Variants in GIGYF2 observed in about 807,000 individuals in gnomAD.
GIGYF2 encodes GRB10-interacting GYF protein 2.
GIGYF2 carries 25 observed loss-of-function variants against 208.1 expected under a neutral mutation model. The ratio of observed to expected loss-of-function variants is 0.12; its 90% confidence interval spans 0.09 to 0.17. The LOEUF (loss-of-function observed/expected upper bound fraction) is 0.17, where lower values mean the gene tolerates loss of function less well. GIGYF2 is among the 10% of genes least tolerant of loss of function. GIGYF2 has a pLI of 1.00. For missense variants in GIGYF2, 1,302 were observed against 1,579.4 expected (o/e 0.82, Z 2.98); for synonymous variants, 534 against 543.8 (o/e 0.98, Z 0.25).
At chr2:232,844,632 G>A in intron 25 of GIGYF2, 58 bp downstream of exon 25, 1 of 1,156,724 alleles carries the variant, frequency 8.6e-7, no homozygotes, top group Non-Finnish European at 1.3e-6. Flanking sequence ...TGGGGATGGA[G>A]GAAGTGGGAT....
chr2:232,723,930 G>A (rs544193408), intron 2 of GIGYF2, among the ~76,000 whole-genome samples: 91 of 150,654 alleles, frequency 6.0e-4, no homozygotes, highest in African/African-American at 1.8e-3. Flanking sequence ...TAGAGACGGG[G>A]TTTCTCCATG....
At chr2:232,852,038 T>C (rs920220081) in intron 28 of GIGYF2, among the ~76,000 whole-genome samples, 19 of 152,082 alleles carry the variant, frequency 1.2e-4, no homozygotes, top group African/African-American at 4.3e-4. Context: ...TGATAAGCAG[T>C]GGAACATGGC....
rs1422945823 is a variant in GIGYF2 at position 232,846,413 on chromosome 2, G to A, written c.3460+527G>A. On this transcript the variant is annotated intron_variant, in intron 26 of 28. Coordinates refer to ENST00000373563, the MANE Select transcript of GIGYF2 (RefSeq NM_001103146.3). Reference sequence around the variant, plus strand: ...GAGAAAAACTTGCTCATGGTTAGCTGTTTACAAACAGAACTGTCTCCCATC... The same window carrying A: ...GAGAAAAACTTGCTCATGGTTAGCTATTTACAAACAGAACTGTCTCCCATC... 3.3e-5 allele frequency among the ~76,000 whole-genome samples: 5 copies of A among 152,126 alleles called. No homozygotes were observed. In the East Asian group the frequency reaches 9.6e-4, roughly 29 times the overall value.
intron 22 of GIGYF2, among the ~76,000 whole-genome samples, chr2:232,834,642 TTC>T (rs1176708392): frequency 6.6e-6 from 1 of 152,160 alleles, no homozygotes; most frequent in East Asian, 1.9e-4. Flanking sequence ...TTCTGTTCCT[TTC>T]TCTCTCTCCT....
In GIGYF2 at chr2:232,807,522, C is replaced by CA. The variant is rs201518742; in HGVS notation, c.1806+874dup. Among the ~76,000 whole-genome samples the CA allele has an allele frequency of 1.0e-4, 15 of 150,672 alleles. No homozygotes were observed. The East Asian group carries it at 2.1e-3, about 21-fold the overall frequency. ...TGGGCAACAGAGTGAGACCCTGTCT[C>CA]AAAAAAAAATAATAAAAGGAACCGT... On this transcript the variant is annotated intron_variant, in intron 15 of 28. Transcript: ENST00000373563.
intron 22 of GIGYF2, among the ~76,000 whole-genome samples, chr2:232,836,206 C>T (rs552689864): frequency 3.8e-4 from 54 of 141,018 alleles, no homozygotes; most frequent in African/African-American, 1.2e-3. Flanking sequence ...GCTGGTGGTT[C>T]GCTGGAGCTC....
At chr2:232,819,130 C>G (rs1701000358) in intron 20 of GIGYF2, among the ~76,000 whole-genome samples, 1 of 151,812 alleles carries the variant, frequency 6.6e-6, no homozygotes, top group Non-Finnish European at 1.5e-5. Context: ...CTTTTTGGCC[C>G]CAAGAGGTGC....
chr2:232,772,103 C>T (rs142885023), intron 8 of GIGYF2, among the ~76,000 whole-genome samples: 296 of 152,250 alleles, frequency 1.9e-3, no homozygotes, highest in African/African-American at 6.8e-3. Context: ...TTTGTTGGTA[C>T]TGGGCTCAAT....
chr2:232,803,674 CTTT>C (rs768507929), intron 14 of GIGYF2, among the ~76,000 whole-genome samples: 1 of 49,928 alleles, frequency 2.0e-5, no homozygotes, highest in African/African-American at 1.3e-4. Flanking sequence ...ATTTCTGCTT[CTTT>C]TTTTTTTTTT....
chr2:232,819,311 T>C (rs1026848262), intron 20 of GIGYF2, among the ~76,000 whole-genome samples: 5 of 152,246 alleles, frequency 3.3e-5, no homozygotes, highest in African/African-American at 1.2e-4. Context: ...ATGGGACTTC[T>C]TTCTGTGTAA....
intron 2 of GIGYF2, among the ~76,000 whole-genome samples, chr2:232,720,583 A>ATATATATTTTTT (rs376956632): frequency 1.4e-5 from 2 of 144,988 alleles, no homozygotes; most frequent in South Asian, 2.4e-4. Context: ...ATATATATAT[A>ATATATATTTTTT]TTTTTGTTTG....
chr2:232,737,851 T>C (rs2106299868), intron 3 of GIGYF2, among the ~76,000 whole-genome samples: 2 of 151,560 alleles, frequency 1.3e-5, no homozygotes, highest in East Asian at 3.9e-4. Context: ...ATTGTGAAGA[T>C]GGGAGAAAAT....
intron 3 of GIGYF2, among the ~76,000 whole-genome samples, chr2:232,737,865 A>C (rs1005921490): frequency 3.3e-5 from 5 of 151,984 alleles, no homozygotes; most frequent in Non-Finnish European, 7.4e-5. Flanking sequence ...AGAAAATTGA[A>C]AATTTTGGTA....
chr2:232,776,251 AT>A (rs1699507928), intron 8 of GIGYF2, among the ~76,000 whole-genome samples: 1 of 152,226 alleles, frequency 6.6e-6, no homozygotes, highest in African/African-American at 2.4e-5. Context: ...CCAGTAATAC[AT>A]TCAATATGGC....
At chr2:232,741,812 A>G (rs2106305264) in intron 3 of GIGYF2, among the ~76,000 whole-genome samples, 1 of 152,276 alleles carries the variant, frequency 6.6e-6, no homozygotes, top group East Asian at 1.9e-4. Flanking sequence ...AATGTAAATT[A>G]GATCAAGACT....
At chr2:232,779,716 A>T (rs907555489) in intron 8 of GIGYF2, among the ~76,000 whole-genome samples, 2 of 152,138 alleles carry the variant, frequency 1.3e-5, no homozygotes, top group African/African-American at 4.8e-5. Flanking sequence ...AGAGATTCTG[A>T]TACACTGCAG....
chr2:232,726,492 G>T (rs949476603), intron 2 of GIGYF2, among the ~76,000 whole-genome samples: 2 of 152,120 alleles, frequency 1.3e-5, no homozygotes, highest in African/African-American at 4.8e-5. Flanking sequence ...TATAGTTTCA[G>T]CCACTGGGGA....
intron 2 of GIGYF2, among the ~76,000 whole-genome samples, chr2:232,714,278 A>G (rs1217505095): frequency 1.3e-5 from 2 of 152,058 alleles, no homozygotes; most frequent in Non-Finnish European, 2.9e-5. Context: ...ATTTTGGTTA[A>G]TCTTAATTTA....
At chr2:232,742,012 CACTTAACATCTCCTTCCT>C (rs530787188) in intron 3 of GIGYF2, among the ~76,000 whole-genome samples, 2,742 of 152,236 alleles carry the variant, frequency 0.018, 91 homozygotes, top group African/African-American at 0.062. Context: ...TTCTCCTTCC[CACTTAACATCTCCTTCCT>C]AGCACCTCTC....
Sources: allele counts gnomAD v4.1 joint callset (sites outside exome capture counted in the v4.1 genomes callset), GRCh38; gene constraint gnomAD v4.1.1; transcripts MANE v1.5; gene names NCBI Gene and HGNC (gene_info 2026-07-23, HGNC 2026-07-21).